Variants in SETD7 observed in about 807,000 individuals in gnomAD.
The protein encoded by SETD7 is SET domain containing 7, histone lysine methyltransferase, also known as histone-lysine N-methyltransferase SETD7.
In SETD7, 16 loss-of-function variants were observed where a neutral mutation model predicts 41.8. The observed-to-expected ratio is 0.38, with a 90% CI of 0.26 to 0.58. The LOEUF is 0.58. Among genes scored for constraint, SETD7 ranks in the 20% least tolerant of loss-of-function variants. The pLI is 0.64. For synonymous variants in SETD7, 163 were observed against 169.7 expected (o/e 0.96, Z 0.31); for missense variants, 346 against 459.7 (o/e 0.75, Z 2.26).
At chr4:139,499,683 C>T (rs1014829421) in intron 7 of SETD7, among the ~76,000 whole-genome samples, 1 of 151,964 alleles carries the variant, frequency 6.6e-6, no homozygotes, top group Non-Finnish European at 1.5e-5. Context: ...AAACCCCAGC[C>T]TCTAAATTCT....
chr4:139,544,120 C>T (rs1442617444), intron 2 of SETD7, among the ~76,000 whole-genome samples: 5 of 151,786 alleles, frequency 3.3e-5, no homozygotes, highest in Non-Finnish European at 5.9e-5. Context: ...AAAACTCCAT[C>T]TCTATAAAAA....
intron 2 of SETD7, among the ~76,000 whole-genome samples, chr4:139,544,059 C>T (rs1051663502): frequency 3.3e-5 from 5 of 152,108 alleles, no homozygotes; most frequent in African/African-American, 9.6e-5. Flanking sequence ...GAGGCTGAGG[C>T]GGGTGGATCA....
chr4:139,503,633 C>A (rs1579196253), downstream of SETD7, among the ~76,000 whole-genome samples: 2 of 150,118 alleles, frequency 1.3e-5, no homozygotes, highest in African/African-American at 4.9e-5. Flanking sequence ...CTGATAAATT[C>A]TCTAAACTGA....
chr4:139,537,150 T>A (rs1435933275), intron 2 of SETD7, among the ~76,000 whole-genome samples: 1 of 152,044 alleles, frequency 6.6e-6, no homozygotes, highest in Non-Finnish European at 1.5e-5. Flanking sequence ...TAATTTTGTA[T>A]TTTTAGTAGA....
At chr4:139,502,233 C>T (rs1467546056), downstream of SETD7, among the ~76,000 whole-genome samples, 3 of 152,154 alleles carry the variant, frequency 2.0e-5, no homozygotes, top group Non-Finnish European at 4.4e-5. Flanking sequence ...AAACTAAAAT[C>T]CCTGTCTATT....
At chr4:139,494,129 G>A (rs903657354), downstream of SETD7, among the ~76,000 whole-genome samples, 2 of 152,182 alleles carry the variant, frequency 1.3e-5, no homozygotes. Flanking sequence ...TGCCACTAGG[G>A]TCATCTGCAC....
chr4:139,503,100 C>T (rs1726618588), downstream of SETD7, among the ~76,000 whole-genome samples: 1 of 148,524 alleles, frequency 6.7e-6, no homozygotes, highest in African/African-American at 2.5e-5. Context: ...ATTGCTTGAA[C>T]CTGGGAGGTG....
At position 139,555,146 on chromosome 4, in the gene SETD7, T is replaced by C. The variant is rs574201454; in HGVS notation, c.40+952A>G. On this transcript the variant is annotated intron_variant, in intron 1 of 7. Coordinates refer to ENST00000274031, the MANE Select transcript of SETD7 (RefSeq NM_030648.4). This position sits in a 1 kb window ranked among gnomAD's most constrained non-coding sequence, Gnocchi z 4.0. ...ACATCCTATGATACAAACAACGAGA[T>C]TGTATAACGTCCCCACATCGTTTTT... Among the ~76,000 whole-genome samples, 134 of 149,376 alleles carry C rather than the reference T, an allele frequency of 9.0e-4. No individual in the cohort carries two copies. Among genetic ancestry groups the C allele is most frequent in the African/African-American group, 3.1e-3 (125 of 40,204 alleles).
intron 2 of SETD7, 64 bp from the exon 3 acceptor site, chr4:139,533,430 G>T: frequency 7.1e-7 from 1 of 1,418,218 alleles, no homozygotes; most frequent in South Asian, 1.2e-5. Context: ...TAGAAGAAAG[G>T]ATCATATCCA....
intron 7 of SETD7, among the ~76,000 whole-genome samples, chr4:139,516,281 C>T (rs1727022314): frequency 1.3e-4 from 1 of 7,924 alleles, no homozygotes; most frequent in Non-Finnish European, 9.1e-4. Flanking sequence ...GCCTGGCCAA[C>T]ATGGTGAAAC....
At chr4:139,523,678 T>A (rs1727241725) in intron 4 of SETD7, among the ~76,000 whole-genome samples, 2 of 152,238 alleles carry the variant, frequency 1.3e-5, no homozygotes, top group Admixed American at 6.5e-5. Context: ...ACTCTTGAAT[T>A]TTCCTTATTA....
At chr4:139,537,994 C>T (rs965934146) in intron 2 of SETD7, among the ~76,000 whole-genome samples, 1 of 152,030 alleles carries the variant, frequency 6.6e-6, no homozygotes, top group African/African-American at 2.4e-5. Context: ...ATTAAACATG[C>T]ATATTCATGT....
intron 2 of SETD7, among the ~76,000 whole-genome samples, chr4:139,542,197 T>TA (rs1727798430): frequency 2.0e-5 from 3 of 152,170 alleles, no homozygotes; most frequent in Admixed American, 2.0e-4. Context: ...AAGCTGATCT[T>TA]ACAGAAGTAG....
intron 4 of SETD7, among the ~76,000 whole-genome samples, chr4:139,524,338 C>A (rs1363094038): frequency 6.6e-6 from 1 of 152,108 alleles, no homozygotes; most frequent in East Asian, 1.9e-4. Context: ...TTGAGTGTTT[C>A]AAAAAGAATT....
At chr4:139,519,504 C>T (rs1560679451) in intron 6 of SETD7, among the ~76,000 whole-genome samples, 1 of 152,200 alleles carries the variant, frequency 6.6e-6, no homozygotes, top group African/African-American at 2.4e-5. Flanking sequence ...GTCTGACAGA[C>T]CATAGTGCAG....
At chr4:139,500,145 G>T (rs1018733875) in intron 7 of SETD7, among the ~76,000 whole-genome samples, 1 of 152,144 alleles carries the variant, frequency 6.6e-6, no homozygotes, top group Non-Finnish European at 1.5e-5. Flanking sequence ...TTTGAGAGCG[G>T]CATTTGTCTC....
intron 7 of SETD7, among the ~76,000 whole-genome samples, chr4:139,497,347 C>T (rs1433037718): frequency 6.6e-6 from 1 of 151,602 alleles, no homozygotes; most frequent in African/African-American, 2.4e-5. Context: ...CCCAGCTACT[C>T]GGGAGGCTGA....
chr4:139,528,630 T>C (rs965950526), intron 4 of SETD7, among the ~76,000 whole-genome samples: 11 of 152,210 alleles, frequency 7.2e-5, no homozygotes, highest in Admixed American at 6.5e-4. Context: ...ACCATGTCAG[T>C]TCCAAGGTGA....
intron 2 of SETD7, among the ~76,000 whole-genome samples, chr4:139,533,629 A>G (rs1360338463): frequency 6.6e-6 from 1 of 152,202 alleles, no homozygotes; most frequent in Non-Finnish European, 1.5e-5. Flanking sequence ...AGAAGAAAAA[A>G]GCTACTGATG....
Sources: gnomAD v4.1 joint callset for allele counts (sites outside exome capture counted in the v4.1 genomes callset) on GRCh38, gnomAD v4.1.1 for gene constraint, Gnocchi (gnomAD v3.1) non-coding constraint, MANE v1.5 for transcripts, NCBI Gene and HGNC (gene_info 2026-07-23, HGNC 2026-07-21) for gene names.